The following PDSS2 variants were observed in gnomAD, a reference collection of about 807,000 sequenced individuals.
PDSS2 encodes the protein all trans-polyprenyl-diphosphate synthase PDSS2.
A neutral mutation model predicts 44.5 loss-of-function variants in PDSS2; 31 were observed. That is an observed-to-expected ratio of 0.70 (90% CI 0.52 to 0.94). PDSS2 has a LOEUF of 0.94. Among genes scored for constraint, PDSS2 ranks in the 40% least tolerant of loss-of-function variants. The probability of loss-of-function intolerance (pLI) is 0.00; values close to 1 mark genes in which losing one functional copy is unlikely to be tolerated. For missense variants in PDSS2, 452 were observed against 482.2 expected (o/e 0.94, Z 0.59); for synonymous variants, 157 against 180.3 (o/e 0.87, Z 1.03).
At chr6:107,457,724 G>T (rs930294140) in intron 1 of PDSS2, among the ~76,000 whole-genome samples, 1 of 152,130 alleles carries the variant, frequency 6.6e-6, no homozygotes, top group Admixed American at 6.5e-5. Flanking sequence ...ACAACTAAAC[G>T]CAATACTTGA....
At position 107,320,446 on chromosome 6, in the gene PDSS2, C is replaced by G. The variant is rs1469720417; in HGVS notation, c.431+13752G>C. On this transcript the variant is annotated intron_variant, in intron 2 of 7. Coordinates refer to ENST00000369037, the MANE Select transcript of PDSS2 (RefSeq NM_020381.4). ...TGAATGTAATGGTTTCCAAAAATAACAAAATTTGCAGCACTGACATTTCAG... is the reference window on the plus strand; with the variant it reads ...TGAATGTAATGGTTTCCAAAAATAAGAAAATTTGCAGCACTGACATTTCAG... Among the ~76,000 whole-genome samples, 10 of 152,062 alleles carry G rather than the reference C, an allele frequency of 6.6e-5. No homozygotes were observed. In the South Asian group the frequency reaches 1.9e-3, roughly 28 times the overall value.
chr6:107,160,147 T>C (rs1027318773), intron 7 of PDSS2, among the ~76,000 whole-genome samples: 14 of 152,040 alleles, frequency 9.2e-5, no homozygotes, highest in African/African-American at 3.4e-4. Context: ...ACTCAGGAAG[T>C]GGAGGTTACA....
intron 1 of PDSS2, among the ~76,000 whole-genome samples, chr6:107,386,669 A>T (rs74463262): frequency 0.022 from 3,417 of 152,308 alleles, 108 homozygotes; most frequent in East Asian, 0.13. Context: ...AAATGCCCAA[A>T]GATCTCAGGA....
chr6:107,205,525 C>A (rs968642845), intron 6 of PDSS2, among the ~76,000 whole-genome samples: 1 of 152,152 alleles, frequency 6.6e-6, no homozygotes, highest in Non-Finnish European at 1.5e-5. Context: ...GGGTGAATAA[C>A]CCATTCACTA....
intron 1 of PDSS2, among the ~76,000 whole-genome samples, chr6:107,444,249 T>C (rs1781599554): frequency 6.6e-6 from 1 of 152,158 alleles, no homozygotes; most frequent in Non-Finnish European, 1.5e-5. Flanking sequence ...CAGGCAGGTC[T>C]TGAACTCCTG....
At chr6:107,184,812 T>A (rs1018092268) in intron 7 of PDSS2, among the ~76,000 whole-genome samples, 7 of 147,312 alleles carry the variant, frequency 4.8e-5, no homozygotes, top group Non-Finnish European at 7.4e-5. Context: ...GGATGGCTAA[T>A]GAATTAATAT....
chr6:107,274,862 G>A (rs1380683843), intron 2 of PDSS2, among the ~76,000 whole-genome samples: 1 of 151,870 alleles, frequency 6.6e-6, no homozygotes, highest in Non-Finnish European at 1.5e-5. Flanking sequence ...TGGTAGAGAT[G>A]GGGTTTTGCC....
At chr6:107,396,441 T>C (rs908959113) in intron 1 of PDSS2, among the ~76,000 whole-genome samples, 1 of 152,194 alleles carries the variant, frequency 6.6e-6, no homozygotes, top group African/African-American at 2.4e-5. Context: ...GAATCAACAG[T>C]GTTGTTACCT....
intron 1 of PDSS2, among the ~76,000 whole-genome samples, chr6:107,398,463 A>C (rs954150420): frequency 3.9e-5 from 6 of 152,194 alleles, no homozygotes; most frequent in Non-Finnish European, 7.3e-5. Context: ...TGAATTTCTG[A>C]TACAGTAAAT....
chr6:107,345,876 C>T (rs1778230720), intron 1 of PDSS2, among the ~76,000 whole-genome samples: 2 of 152,066 alleles, frequency 1.3e-5, no homozygotes, highest in South Asian at 2.1e-4. Flanking sequence ...ACAGTGATGG[C>T]GGGACACACA....
chr6:107,373,173 G>A (rs1242088349), intron 1 of PDSS2, among the ~76,000 whole-genome samples: 1 of 151,800 alleles, frequency 6.6e-6, no homozygotes, highest in Non-Finnish European at 1.5e-5. Context: ...TAGTAGAGAC[G>A]GGGTTTCCCC....
chr6:107,341,661 C>T (rs987603578), intron 1 of PDSS2, among the ~76,000 whole-genome samples: 1 of 152,106 alleles, frequency 6.6e-6, no homozygotes. Context: ...CCTCCACAGA[C>T]ATGGATAATG....
rs35910650 is a variant in PDSS2, at chr6:107,383,298, C to CAAA, written c.297-48969_297-48967dup. ...TGGGTGACAGAGTGAGACTCCATCT[C>CAAA]AAAAAAAAAAAAAAAAAAAAAAAAA... is the stretch of plus-strand genomic sequence containing the variant. On this transcript the variant is annotated intron_variant, in intron 1 of 7. Transcript: ENST00000369037. 2.9e-3 allele frequency among the ~76,000 whole-genome samples: 83 copies of CAAA among 28,436 alleles called. 6 individuals carry two copies. Among genetic ancestry groups the CAAA allele is most frequent in the East Asian group, 0.014 (13 of 950 alleles). 18.7% of individuals were successfully genotyped at this position (28,436 alleles called of 152,430 possible).
At chr6:107,253,315 C>T (rs538146867) in intron 3 of PDSS2, among the ~76,000 whole-genome samples, 31 of 152,296 alleles carry the variant, frequency 2.0e-4, no homozygotes, top group African/African-American at 5.8e-4. Flanking sequence ...GGATTACAGG[C>T]GTGAGCCACT....
At chr6:107,435,493 T>C (rs567525012) in intron 1 of PDSS2, among the ~76,000 whole-genome samples, 1 of 152,188 alleles carries the variant, frequency 6.6e-6, no homozygotes, top group South Asian at 2.1e-4. Flanking sequence ...AAAAGCTTTA[T>C]ATATACTAGA....
chr6:107,210,269 TTAAC>T (rs1411461867), intron 6 of PDSS2, among the ~76,000 whole-genome samples, 166 bp downstream of exon 6: 1 of 152,168 alleles, frequency 6.6e-6, no homozygotes, highest in African/African-American at 2.4e-5. Flanking sequence ...ATCTCTAACT[TTAAC>T]TAATCTTTTA....
Position 107,155,877 on chromosome 6 carries a change from C to CTT in PDSS2, c.1042-1102_1042-1101dup, listed in dbSNP as rs60840656. ...ACAGGCATGAGCCACCTTGCCCGGC[C>CTT]TTTTTTTTTTTTTTTTTTTTTTTTT... is the stretch of plus-strand genomic sequence containing the variant. On this transcript the variant is annotated intron_variant, in intron 7 of 7. Transcript: ENST00000369037. Among the ~76,000 whole-genome samples, 48 of 51,678 alleles carry CTT rather than the reference C, an allele frequency of 9.3e-4. 2 individuals are homozygous for CTT. The highest frequency in any genetic ancestry group is 1.5e-3 in the East Asian group (3 of 2,006). 33.9% of individuals were successfully genotyped at this position (51,678 alleles called of 152,430 possible).
At chr6:107,226,064 T>A (rs1386689603) in intron 4 of PDSS2, among the ~76,000 whole-genome samples, 2 of 152,058 alleles carry the variant, frequency 1.3e-5, no homozygotes, top group East Asian at 3.9e-4. Flanking sequence ...ATCCCAGCAC[T>A]TTGGGAGGCC....
chr6:107,372,415 A>G (rs1187494482), intron 1 of PDSS2, among the ~76,000 whole-genome samples: 2 of 152,058 alleles, frequency 1.3e-5, no homozygotes, highest in Non-Finnish European at 2.9e-5. Context: ...TAGGAGGAAA[A>G]GGGGTTAAAG....
Sources: allele counts gnomAD v4.1 joint callset (sites outside exome capture counted in the v4.1 genomes callset), GRCh38; gene constraint gnomAD v4.1.1; transcripts MANE v1.5; gene names NCBI Gene and HGNC (gene_info 2026-07-23, HGNC 2026-07-21).